Variants in MAP2K1 observed in about 807,000 individuals in gnomAD.
MAP2K1 encodes the protein dual specificity mitogen-activated protein kinase kinase 1.
In MAP2K1, 16 loss-of-function variants were observed where a neutral mutation model predicts 46.3. The observed-to-expected ratio is 0.35, with a 90% confidence interval of 0.23 to 0.52. The LOEUF is 0.52. MAP2K1 is among the 20% of genes least tolerant of loss of function. The pLI is 0.94. For synonymous variants in MAP2K1, 183 were observed against 185.6 expected (o/e 0.99, Z 0.11); for missense variants, 263 against 497.1 (o/e 0.53, Z 4.48).
intron 5 of MAP2K1, among the ~76,000 whole-genome samples, chr15:66,459,318 A>T (rs929619317): frequency 6.6e-6 from 1 of 150,378 alleles, no homozygotes; most frequent in Non-Finnish European, 1.5e-5. Context: ...TCAAAAAAAA[A>T]AAAAAAAATG....
intron 5 of MAP2K1, among the ~76,000 whole-genome samples, chr15:66,449,691 G>C (rs1465610348): frequency 1.3e-5 from 2 of 152,138 alleles, no homozygotes; most frequent in African/African-American, 4.8e-5. Flanking sequence ...GACCAGCCTG[G>C]CCAACATGGT....
At chr15:66,403,634 C>T (rs2093388030) in intron 1 of MAP2K1, among the ~76,000 whole-genome samples, 2 of 152,088 alleles carry the variant, frequency 1.3e-5, no homozygotes, top group African/African-American at 2.4e-5. Context: ...GCATAATCCA[C>T]GTGGGTTCCA....
intron 1 of MAP2K1, among the ~76,000 whole-genome samples, chr15:66,391,930 A>G (rs1465641316): frequency 1.3e-5 from 2 of 152,222 alleles, no homozygotes; most frequent in Non-Finnish European, 2.9e-5. Flanking sequence ...CATTTCATAG[A>G]CAGGATAGAA....
chr15:66,433,783 A>G (rs190371255), intron 1 of MAP2K1, among the ~76,000 whole-genome samples: 449 of 152,282 alleles, frequency 2.9e-3, no homozygotes, highest in Non-Finnish European at 5.1e-3. Flanking sequence ...ACCCCACACA[A>G]TTGTCACTGA....
At chr15:66,435,996 A>G (rs2093487096) in intron 2 of MAP2K1, among the ~76,000 whole-genome samples, 1 of 152,136 alleles carries the variant, frequency 6.6e-6, no homozygotes, top group African/African-American at 2.4e-5. Flanking sequence ...CTCTTTTGGA[A>G]TACAGCCCCT....
intron 1 of MAP2K1, among the ~76,000 whole-genome samples, chr15:66,427,344 G>C (rs983997237): frequency 5.3e-5 from 8 of 151,990 alleles, no homozygotes; most frequent in African/African-American, 1.9e-4. Flanking sequence ...CAGATCACGA[G>C]GTCAGGAGAT....
rs777783461 is a variant in MAP2K1, at chr15:66,490,632, A to T, written c.*17A>T. ...GGCGTCTAAGTGTTTGGGAAGCAAC[A>T]AAGAGCGAGTCCCCTGCCCGGTGGT... is the stretch of plus-strand genomic sequence containing the variant. On this transcript the variant is annotated 3_prime_UTR_variant, in exon 11 of 11. Transcript: ENST00000307102. 4.4e-6 allele frequency: 7 copies of T among 1,596,322 alleles called. No individual in the cohort carries two copies. In the East Asian group the frequency reaches 1.6e-4, roughly 36 times the overall value.
chr15:66,449,711 G>A (rs1322414405), intron 5 of MAP2K1, among the ~76,000 whole-genome samples: 3 of 151,964 alleles, frequency 2.0e-5, no homozygotes, highest in African/African-American at 2.4e-5. Context: ...TGAAACCCCC[G>A]TCTACTAAAA....
chr15:66,399,896 T>C (rs887639368), intron 1 of MAP2K1, among the ~76,000 whole-genome samples: 7 of 151,742 alleles, frequency 4.6e-5, no homozygotes, highest in African/African-American at 1.7e-4. Context: ...TGCCTGGCTA[T>C]CGCCCAGCTG....
At chr15:66,462,173 C>T (rs1892339369) in intron 5 of MAP2K1, among the ~76,000 whole-genome samples, 1 of 152,034 alleles carries the variant, frequency 6.6e-6, no homozygotes, top group African/African-American at 2.4e-5. Context: ...TCCACTCCCT[C>T]CCACCCTGCA....
chr15:66,393,618 G>T (rs1320783609), intron 1 of MAP2K1, among the ~76,000 whole-genome samples: 1 of 152,196 alleles, frequency 6.6e-6, no homozygotes, highest in African/African-American at 2.4e-5. Context: ...TAAAGTGGAG[G>T]TGATAATTGT....
intron 1 of MAP2K1, among the ~76,000 whole-genome samples, chr15:66,395,767 G>A (rs893726704): frequency 1.3e-5 from 2 of 150,834 alleles, no homozygotes; most frequent in Non-Finnish European, 3.0e-5. Flanking sequence ...TAGTAGAGAC[G>A]GCGTCTCACC....
intron 1 of MAP2K1, among the ~76,000 whole-genome samples, chr15:66,432,669 G>A (rs1220304500): frequency 6.6e-6 from 1 of 152,196 alleles, no homozygotes; most frequent in Non-Finnish European, 1.5e-5. Flanking sequence ...ATGTTTGTCA[G>A]TTGCCTCCCT....
At chr15:66,395,054 A>G (rs2093364386) in intron 1 of MAP2K1, among the ~76,000 whole-genome samples, 1 of 152,242 alleles carries the variant, frequency 6.6e-6, no homozygotes, top group African/African-American at 2.4e-5. Flanking sequence ...GCACCTTTCA[A>G]AGAAAGGAAG....
rs369391294 is a variant in MAP2K1, at chr15:66,470,959, A to G, written c.569-10796A>G. On this transcript the variant is annotated intron_variant, in intron 5 of 10. Coordinates refer to ENST00000307102, the MANE Select transcript of MAP2K1 (RefSeq NM_002755.4). ...GTTCCTTGGTTCTGTTGGGAACGGC[A>G]GGACAACTTGAAGCAGGGAGGGGGC... Among the ~76,000 whole-genome samples the G allele has an allele frequency of 2.1e-4, 32 of 152,318 alleles. No individual in the cohort carries two copies. In the South Asian group the frequency reaches 6.4e-3, roughly 31 times the overall value.
At chr15:66,448,173 A>AC (rs1555417204) in intron 5 of MAP2K1, among the ~76,000 whole-genome samples, 1 of 149,794 alleles carries the variant, frequency 6.7e-6, no homozygotes, top group Non-Finnish European at 1.5e-5. Context: ...AAAAAAAAAA[A>AC]CCCACTATTT....
chr15:66,436,208 G>A (rs1426042506), intron 2 of MAP2K1, among the ~76,000 whole-genome samples: 2 of 152,242 alleles, frequency 1.3e-5, no homozygotes, highest in Non-Finnish European at 1.5e-5. Flanking sequence ...GCTGTCTGTG[G>A]GATTTTTTTA....
At position 66,489,409 on chromosome 15, in the gene MAP2K1, C is replaced by G; in HGVS notation, c.1022+133C>G. On this transcript the variant is annotated intron_variant, in intron 9 of 10. Coordinates refer to ENST00000307102, the MANE Select transcript of MAP2K1 (RefSeq NM_002755.4). Reference sequence around the variant, plus strand: ...TACCCTCCCGTCTGATGATTCTTGGCTGCTGCCATAAGCCCTTTTTTAGAG... The same window carrying G: ...TACCCTCCCGTCTGATGATTCTTGGGTGCTGCCATAAGCCCTTTTTTAGAG... 7 of 889,422 alleles carry G rather than the reference C, an allele frequency of 7.9e-6. No individual in the cohort carries two copies. In the South Asian group the frequency reaches 9.4e-5, roughly 12 times the overall value. 55.1% of individuals were successfully genotyped at this position (889,422 alleles called of 1,614,324 possible).
At chr15:66,476,255 C>A (rs979915992) in intron 5 of MAP2K1, among the ~76,000 whole-genome samples, 8 of 152,294 alleles carry the variant, frequency 5.3e-5, no homozygotes, top group African/African-American at 1.9e-4. Context: ...CTGCTGGGGA[C>A]CCTCTCAGCA....
Sources: gnomAD v4.1 joint callset for allele counts (sites outside exome capture counted in the v4.1 genomes callset) on GRCh38, gnomAD v4.1.1 for gene constraint, MANE v1.5 for transcripts, NCBI Gene and HGNC (gene_info 2026-07-23, HGNC 2026-07-21) for gene names.